The following RHOBTB1 variants were observed in gnomAD, a reference collection of about 807,000 sequenced individuals.
RHOBTB1 encodes rho-related BTB domain-containing protein 1.
RHOBTB1 carries 40 observed loss-of-function variants against 71.6 expected under a neutral mutation model. That is an observed-to-expected ratio of 0.56 (90% CI 0.43 to 0.73). The LOEUF (loss-of-function observed/expected upper bound fraction) is 0.73. Ranked by LOEUF, RHOBTB1 falls within the 30% of genes least tolerant of loss-of-function variation. RHOBTB1 has a pLI of 0.00. For missense variants in RHOBTB1, 797 were observed against 894.0 expected, an observed-to-expected ratio of 0.89 and a Z score of 1.38; for synonymous variants, 319 against 334.9, an observed-to-expected ratio of 0.95 and a Z score of 0.52.
At chr10:61,001,883 C>A (rs1236286226), upstream of RHOBTB1, among the ~76,000 whole-genome samples, 1 of 152,212 alleles carries the variant, frequency 6.6e-6, no homozygotes, top group Non-Finnish European at 1.5e-5. Flanking sequence ...CTGGGACTTG[C>A]GGGGGCATCT....
intron 2 of RHOBTB1, among the ~76,000 whole-genome samples, chr10:60,967,060 G>A (rs139041469): frequency 6.6e-6 from 1 of 152,002 alleles, no homozygotes; most frequent in African/African-American, 2.4e-5. Flanking sequence ...GGGGGTGAGG[G>A]AGCGATGCAG....
At chr10:60,959,154 A>G (rs1589420012) in intron 2 of RHOBTB1, among the ~76,000 whole-genome samples, 1 of 152,166 alleles carries the variant, frequency 6.6e-6, no homozygotes, top group South Asian at 2.1e-4. Flanking sequence ...GTAAAATGTA[A>G]CACCCATCTG....
At chr10:60,893,209 T>C (rs952515161) in intron 4 of RHOBTB1, among the ~76,000 whole-genome samples, 5 of 152,156 alleles carry the variant, frequency 3.3e-5, no homozygotes, top group African/African-American at 9.7e-5. Flanking sequence ...TTCATTTCCA[T>C]ATTGCACTGC....
Position 60,969,710 on chromosome 10 carries a change from T to C in RHOBTB1, c.-62+16135A>G, listed in dbSNP as rs920143839. 2.0e-5 allele frequency among the ~76,000 whole-genome samples: 3 copies of C among 152,256 alleles called. No individual in the cohort carries two copies. The Middle Eastern group carries it at 0.01, about 518-fold the overall frequency. On this transcript the variant is annotated intron_variant, in intron 2 of 11. Coordinates refer to the RHOBTB1 transcript ENST00000357917. Reference sequence around the variant, plus strand: ...TTGTCAGAAGAGTTTAGGATCATCATCTATGACCTTTGAAGTCACCTTCAA... The same window carrying C: ...TTGTCAGAAGAGTTTAGGATCATCACCTATGACCTTTGAAGTCACCTTCAA...
chr10:60,980,501 T>C (rs2134793433), intron 2 of RHOBTB1, among the ~76,000 whole-genome samples: 1 of 152,268 alleles, frequency 6.6e-6, no homozygotes, highest in South Asian at 2.1e-4. Flanking sequence ...GAGATGCTCT[T>C]CTCAGGTACC....
intron 1 of RHOBTB1, among the ~76,000 whole-genome samples, chr10:60,999,358 C>T (rs1356597870): frequency 6.6e-6 from 1 of 152,124 alleles, no homozygotes; most frequent in Non-Finnish European, 1.5e-5. Context: ...AGTTGTCTAC[C>T]TAAAACAACA....
intron 1 of RHOBTB1, among the ~76,000 whole-genome samples, chr10:60,990,785 C>T (rs1424534745): frequency 6.6e-6 from 1 of 152,172 alleles, no homozygotes; most frequent in Non-Finnish European, 1.5e-5. Context: ...GCTTCATTAT[C>T]TTTCTCTAAG....
chr10:60,880,233 G>C (rs974808363), intron 7 of RHOBTB1, among the ~76,000 whole-genome samples: 2 of 148,886 alleles, frequency 1.3e-5, no homozygotes, highest in African/African-American at 2.5e-5. Context: ...GAGAGAGAGA[G>C]AGAGAGACAG....
intron 5 of RHOBTB1, among the ~76,000 whole-genome samples, chr10:60,891,494 C>A (rs920069631): frequency 6.6e-6 from 1 of 151,784 alleles, no homozygotes; most frequent in Non-Finnish European, 1.5e-5. Flanking sequence ...GTGTGCACCA[C>A]CAGTCCTGGC....
At chr10:60,987,919 CTTTTTTTTTTTTT>C (rs71018937) in intron 1 of RHOBTB1, among the ~76,000 whole-genome samples, 11 of 53,738 alleles carry the variant, frequency 2.0e-4, no homozygotes, top group Admixed American at 3.0e-4. Flanking sequence ...AAATACTCAA[CTTTTTTTTTTTTT>C]TTTTTTTTTT....
At chr10:60,872,127 A>C in intron 10 of RHOBTB1, 58 bp downstream of exon 10, 1 of 1,265,584 alleles carries the variant, frequency 7.9e-7, no homozygotes. Flanking sequence ...CATAGAAGAT[A>C]AAAGCTTCCA....
chr10:60,911,773 CCAAA>C (rs1271318608), intron 2 of RHOBTB1, among the ~76,000 whole-genome samples: 4 of 152,178 alleles, frequency 2.6e-5, no homozygotes, highest in African/African-American at 4.8e-5. Context: ...TATTTTGACC[CCAAA>C]CAGTTTATTC....
intron 2 of RHOBTB1, among the ~76,000 whole-genome samples, chr10:60,953,491 T>C (rs915731634): frequency 6.6e-6 from 1 of 152,216 alleles, no homozygotes; most frequent in African/African-American, 2.4e-5. Context: ...GACTTTTGTC[T>C]TAACAGTTTT....
intron 4 of RHOBTB1, among the ~76,000 whole-genome samples, chr10:60,895,962 C>T (rs1295207308): frequency 6.6e-6 from 1 of 152,220 alleles, no homozygotes; most frequent in Non-Finnish European, 1.5e-5. Context: ...TTTGTAACTC[C>T]TAATTCTCAA....
intron 5 of RHOBTB1, among the ~76,000 whole-genome samples, chr10:60,889,632 TAGAG>T (rs1244503207): frequency 2.0e-5 from 3 of 152,158 alleles, no homozygotes; most frequent in African/African-American, 7.2e-5. Flanking sequence ...TGTGCCTAAA[TAGAG>T]AGTGTTTTAC....
At chr10:60,963,958 C>T (rs1188723550) in intron 2 of RHOBTB1, among the ~76,000 whole-genome samples, 2 of 151,964 alleles carry the variant, frequency 1.3e-5, no homozygotes, top group Non-Finnish European at 2.9e-5. Flanking sequence ...AGGGAAAAAA[C>T]CTTGATTTGT....
At chr10:60,968,846 G>A (rs917114741) in intron 2 of RHOBTB1, among the ~76,000 whole-genome samples, 2 of 151,982 alleles carry the variant, frequency 1.3e-5, no homozygotes, top group Admixed American at 1.3e-4. Flanking sequence ...GGCATCCTTG[G>A]GGCTAAGATG....
rs760315476 is a variant in RHOBTB1 at position 60,911,489 on chromosome 10, C to T, written c.54G>A (p.Val18=). The T allele has an allele frequency of 3.7e-6, 6 of 1,614,202 alleles. No homozygotes were observed. The South Asian group carries it at 6.6e-5, about 18-fold the overall frequency. ...ERPNVETIKC[V]VVGDNAVGKT... The stretch of plus-strand genomic sequence containing the variant: ...TCCCCACGGCATTGTCACCCACGAC[C>T]ACACATTTGATAGTTTCAACGTTGG... Residue 18 remains valine, a synonymous_variant, in exon 3 of 11, where the codon GTG becomes GTA. Coordinates refer to ENST00000337910, the MANE Select transcript of RHOBTB1 (RefSeq NM_014836.5).
the RHOBTB1 span, among the ~76,000 whole-genome samples, chr10:60,861,436 TG>T: frequency 6.6e-6 from 1 of 152,146 alleles, no homozygotes; most frequent in African/African-American, 2.4e-5. Flanking sequence ...TGTTATTAGG[TG>T]GTTTGTTTTA....
Sources: gnomAD v4.1 joint callset for allele counts (sites outside exome capture counted in the v4.1 genomes callset) on GRCh38, gnomAD v4.1.1 for gene constraint, MANE v1.5 for transcripts, NCBI Gene and HGNC (gene_info 2026-07-23, HGNC 2026-07-21) for gene names.